BLK: variants seen among roughly 807,000 people sequenced by gnomAD.
BLK encodes the protein tyrosine-protein kinase Blk.
BLK carries 64 observed loss-of-function variants against 61.8 expected under a neutral mutation model. The observed-to-expected ratio is 1.03, with a 90% confidence interval of 0.85 to 1.27. The LOEUF (loss-of-function observed/expected upper bound fraction) is 1.27, where lower values mean the gene tolerates loss of function less well. Ranked by LOEUF, BLK falls within the 50% of genes most tolerant of loss-of-function variation. BLK has a pLI of 0.00. For missense variants in BLK, 853 were observed against 660.5 expected (o/e 1.29, Z -3.19); for synonymous variants, 351 against 272.0 (o/e 1.29, Z -2.86).
intron 3 of BLK, among the ~76,000 whole-genome samples, chr8:11,547,663 C>G (rs926783673): frequency 6.6e-6 from 1 of 152,170 alleles, no homozygotes. Flanking sequence ...TATGGGCCTC[C>G]GAGGGCAGGT....
intron 1 of BLK, among the ~76,000 whole-genome samples, chr8:11,522,359 A>G (rs959603638): frequency 2.0e-5 from 3 of 152,250 alleles, no homozygotes; most frequent in Admixed American, 6.5e-5. Flanking sequence ...GTTTGACAAT[A>G]CGAGTTTTGG....
chr8:11,528,675 G>A (rs1799770709), intron 1 of BLK, among the ~76,000 whole-genome samples: 1 of 152,230 alleles, frequency 6.6e-6, no homozygotes, highest in African/African-American at 2.4e-5. Context: ...ATGTATTCAA[G>A]TGCAACTTGT....
At chr8:11,507,939 G>C (rs1265416134) in intron 1 of BLK, among the ~76,000 whole-genome samples, 1 of 152,222 alleles carries the variant, frequency 6.6e-6, no homozygotes, top group Non-Finnish European at 1.5e-5. Flanking sequence ...ATCGGGGGTA[G>C]AGTCAACGGC....
chr8:11,516,634 C>T (rs912397104), intron 1 of BLK, among the ~76,000 whole-genome samples: 5 of 152,168 alleles, frequency 3.3e-5, no homozygotes, highest in South Asian at 2.1e-4. Flanking sequence ...CCATCTGTGT[C>T]GATGAATTGG....
chr8:11,549,107 G>T lies in BLK; in HGVS notation c.353G>T (p.Ser118Ile). 1 of 1,607,744 alleles carries T rather than the reference G, an allele frequency of 6.2e-7. No individual in the cohort carries two copies. Among genetic ancestry groups the T allele is most frequent in the Admixed American group, 1.7e-5 (1 of 59,238 alleles). Residue 118 changes from serine to isoleucine, a missense_variant, in exon 5 of 13, where the codon AGC (serine) becomes ATC (isoleucine). Coordinates refer to ENST00000259089, the MANE Select transcript of BLK (RefSeq NM_001715.3). Reference protein sequence around the residue: ...VPSNFVARVESLEMERWFFRS... With the variant: ...VPSNFVARVEILEMERWFFRS... ...AGTAACTTTGTGGCCCGAGTGGAGA[G>T]CCTGGAAATGGAAAGGTAGGTGGGC...
intron 4 of BLK, 136 bp downstream of exon 4, chr8:11,548,261 C>A: frequency 2.8e-6 from 2 of 726,458 alleles, no homozygotes; most frequent in Non-Finnish European, 4.6e-6. Flanking sequence ...CTGGCCCCAG[C>A]ATTTTCTTGA....
intron 11 of BLK, 41 bp downstream of exon 11, chr8:11,561,493 A>G: frequency 6.2e-7 from 1 of 1,605,614 alleles, no homozygotes; most frequent in Non-Finnish European, 8.5e-7. Context: ...CTAGGGCCTT[A>G]TCTTTCCCAG....
intron 1 of BLK, among the ~76,000 whole-genome samples, chr8:11,537,359 G>A (rs1024938885): frequency 2.0e-5 from 3 of 152,196 alleles, no homozygotes; most frequent in African/African-American, 7.2e-5. Context: ...CACCCAGGGT[G>A]AGTCCCAGCT....
chr8:11,526,962 C>T (rs764513836), intron 1 of BLK, among the ~76,000 whole-genome samples: 4 of 152,138 alleles, frequency 2.6e-5, no homozygotes, highest in African/African-American at 4.8e-5. Flanking sequence ...TTTTATGAAG[C>T]CTCTTTCGTT....
At chr8:11,498,218 C>T (rs1318755692) in intron 1 of BLK, among the ~76,000 whole-genome samples, 1 of 152,206 alleles carries the variant, frequency 6.6e-6, no homozygotes. Context: ...GGCTCCCATG[C>T]TCAGGTCGTT....
Position 11,544,918 on chromosome 8 carries a change from C to T in BLK, c.124-1134C>T, listed in dbSNP as rs76053107. On this transcript the variant is annotated intron_variant, in intron 2 of 12. Transcript: ENST00000259089. ...CCCAACTTCAGACAAGAAAGAGACT[C>T]GTTCCTTTGAATCTCCCTCCTCCCT... 2.3e-3 allele frequency among the ~76,000 whole-genome samples: 356 copies of T among 152,308 alleles called. 6 individuals are homozygous for T. In the East Asian group the frequency reaches 0.025, roughly 11 times the overall value.
chr8:11,531,107 C>T (rs1350634391), intron 1 of BLK, among the ~76,000 whole-genome samples: 2 of 152,128 alleles, frequency 1.3e-5, no homozygotes, highest in Non-Finnish European at 2.9e-5. Flanking sequence ...ACACCGAACA[C>T]CTGTTCATGG....
chr8:11,494,557 G>C lies in BLK; in HGVS notation c.-36G>C, dbSNP rs1798294236. On this transcript the variant is annotated 5_prime_UTR_variant, in exon 1 of 13. Coordinates refer to ENST00000259089, the MANE Select transcript of BLK (RefSeq NM_001715.3). ...CACTGTAAGGGTGTCAGGATCTGAAGAGCTATGGTGAAACACCACTGAAGC... is the reference window on the plus strand; with the variant it reads ...CACTGTAAGGGTGTCAGGATCTGAACAGCTATGGTGAAACACCACTGAAGC... The C allele has an allele frequency of 6.6e-6, 1 of 152,282 alleles. No individual in the cohort carries two copies. The highest frequency in any genetic ancestry group is 2.4e-5 in the African/African-American group (1 of 41,468). The allele number at this position is 152,282 out of a possible 1,614,324, so 9.4% of individuals were successfully genotyped here.
At chr8:11,559,381 ACT>A (rs977127108) in intron 10 of BLK, among the ~76,000 whole-genome samples, 10 of 127,898 alleles carry the variant, frequency 7.8e-5, no homozygotes, top group Admixed American at 2.3e-4. Context: ...AGACACGCAA[ACT>A]CACACACAGA....
At position 11,559,504 on chromosome 8, in the gene BLK, C is replaced by G. The variant is rs1220350278; in HGVS notation, c.1029+1466C>G. On this transcript the variant is annotated intron_variant, in intron 10 of 12. Coordinates refer to ENST00000259089, the MANE Select transcript of BLK (RefSeq NM_001715.3). The stretch of plus-strand genomic sequence containing the variant: ...ACACAAACACATTTACACAAACTCA[C>G]AAACTCACACACACAAACACACACA... Among the ~76,000 whole-genome samples the G allele has an allele frequency of 5.7e-5, 7 of 122,468 alleles. No homozygotes were observed. The East Asian group carries it at 1.2e-3, about 20-fold the overall frequency. The allele number at this position is 122,468 out of a possible 152,430, so 80.3% of individuals were successfully genotyped here.
At chr8:11,514,696 C>A (rs1754811488) in intron 1 of BLK, among the ~76,000 whole-genome samples, 1 of 152,190 alleles carries the variant, frequency 6.6e-6, no homozygotes, top group Non-Finnish European at 1.5e-5. Flanking sequence ...CCCATCCTGG[C>A]AAGTTGCTGG....
At chr8:11,526,980 A>G (rs1186059591) in intron 1 of BLK, among the ~76,000 whole-genome samples, 1 of 152,116 alleles carries the variant, frequency 6.6e-6, no homozygotes, top group Non-Finnish European at 1.5e-5. Context: ...GTTTTCTTTT[A>G]TGTGCTTGGG....
intron 2 of BLK, chr8:11,545,850 C>T (rs1800609120): frequency 3.0e-6 from 2 of 661,654 alleles, no homozygotes; most frequent in African/African-American, 3.5e-5. Context: ...AGGGCAAAGG[C>T]AGCAGAGGGC....
chr8:11,546,260 C>T (rs2244931), intron 3 of BLK, among the ~76,000 whole-genome samples, 157 bp downstream of exon 3: 1 of 151,964 alleles, frequency 6.6e-6, no homozygotes, highest in South Asian at 2.1e-4. Flanking sequence ...CCTCTTGGGG[C>T]GTCTCTTCAG....
Sources: gnomAD v4.1 joint callset for allele counts (sites outside exome capture counted in the v4.1 genomes callset) on GRCh38, gnomAD v4.1.1 for gene constraint, MANE v1.5 for transcripts, NCBI Gene and HGNC (gene_info 2026-07-23, HGNC 2026-07-21) for gene names.